PKP4: variants seen among roughly 807,000 people sequenced by gnomAD.
PKP4 encodes plakophilin-4.
A neutral mutation model predicts 145.1 loss-of-function variants in PKP4; 90 were observed. The observed-to-expected ratio is 0.62, with a 90% confidence interval of 0.52 to 0.74. The LOEUF is 0.74. Ranked by LOEUF, PKP4 falls within the 30% of genes least tolerant of loss-of-function variation. The pLI, the probability that PKP4 is intolerant of heterozygous loss-of-function variation, is 0.00. For synonymous variants in PKP4, 563 were observed against 577.2 expected (o/e 0.98, Z 0.35); for missense variants, 1,340 against 1,482.7 (o/e 0.90, Z 1.58).
At chr2:158,513,514 T>C (rs974910580) in intron 1 of PKP4, among the ~76,000 whole-genome samples, 7 of 152,216 alleles carry the variant, frequency 4.6e-5, no homozygotes, top group Non-Finnish European at 1.0e-4. Flanking sequence ...CATTCTTTTC[T>C]TTTGCAGATG....
At chr2:158,623,343 T>A (rs1050436778) in intron 6 of PKP4, among the ~76,000 whole-genome samples, 8 of 151,990 alleles carry the variant, frequency 5.3e-5, no homozygotes, top group Admixed American at 3.9e-4. Flanking sequence ...CCCAGCTAAT[T>A]TTTTTGTTTG....
intron 2 of PKP4, among the ~76,000 whole-genome samples, chr2:158,537,732 C>G (rs1469014841): frequency 6.6e-6 from 1 of 152,042 alleles, no homozygotes; most frequent in African/African-American, 2.4e-5. Flanking sequence ...GTTGTAATAA[C>G]TAGATAAATA....
At chr2:158,534,224 A>G (rs929972339) in intron 2 of PKP4, among the ~76,000 whole-genome samples, 8 of 152,210 alleles carry the variant, frequency 5.3e-5, no homozygotes, top group Admixed American at 5.2e-4. Flanking sequence ...GATGACGAAG[A>G]TTGAGGAAAC....
chr2:158,583,260 G>A (rs536225056), intron 3 of PKP4, among the ~76,000 whole-genome samples: 1 of 152,258 alleles, frequency 6.6e-6, no homozygotes, highest in East Asian at 1.9e-4. Context: ...TACAGTGAGA[G>A]TAAAAGGGTC....
intron 3 of PKP4, among the ~76,000 whole-genome samples, chr2:158,583,433 C>G (rs549806062): frequency 6.6e-6 from 1 of 152,240 alleles, no homozygotes; most frequent in South Asian, 2.1e-4. Context: ...AATGGCATTC[C>G]TTTTAGACAA....
intron 1 of PKP4, among the ~76,000 whole-genome samples, chr2:158,475,328 A>G (rs1308095289): frequency 6.6e-6 from 1 of 152,090 alleles, no homozygotes; most frequent in Admixed American, 6.5e-5. Flanking sequence ...AAAGTCATGA[A>G]ACTGATTCAT....
At position 158,636,392 on chromosome 2, in the gene PKP4, A is replaced by T. The variant is rs189659407; in HGVS notation, c.1562+2103A>T. On this transcript the variant is annotated intron_variant, in intron 9 of 21. Transcript: ENST00000389759. ...TCCGTTGTTTCTGTTGATAAGGCAG[A>T]CATCATGTGCATTCTTCTCATTATG... Among the ~76,000 whole-genome samples the T allele has an allele frequency of 8.1e-4, 123 of 152,196 alleles. 1 individual carries two copies. In the East Asian group the frequency reaches 0.021, roughly 26 times the overall value.
In PKP4 at chr2:158,642,697, C is replaced by T. The variant is rs772047058; in HGVS notation, c.1907C>T (p.Thr636Ile). Residue 636 changes from threonine (T) to isoleucine (I), a missense_variant and splice_region_variant, in exon 11 of 22, where the codon ACA becomes ATA. Coordinates refer to ENST00000389759, the MANE Select transcript of PKP4 (RefSeq NM_003628.6). Reference sequence around the variant, plus strand: ...GATGCAGAAGTAAGGGAGCTTGTTACAGGTAGGTATAGAATGTGATCTCGT... The same window carrying T: ...GATGCAGAAGTAAGGGAGCTTGTTATAGGTAGGTATAGAATGTGATCTCGT... ...SIDAEVRELV[T>I]GVLWNLSSCD... is the part of the protein sequence containing the mutation. The T allele has an allele frequency of 9.4e-6, 15 of 1,594,322 alleles. No homozygotes were observed. The highest frequency in any genetic ancestry group is 1.3e-5 in the Non-Finnish European group (15 of 1,167,604).
At chr2:158,579,662 G>A (rs987723899) in intron 3 of PKP4, among the ~76,000 whole-genome samples, 2 of 151,980 alleles carry the variant, frequency 1.3e-5, no homozygotes, top group Non-Finnish European at 2.9e-5. Context: ...TCCTTAGAAT[G>A]GAAATGGAAA....
rs770963257 is a variant in PKP4 at position 158,680,503 on chromosome 2, T to A, written c.3405T>A (p.Ser1135=). The change falls in exon 22 of 22, where the codon TCT becomes TCA. Residue 1135 remains serine (S), a synonymous_variant. Transcript: ENST00000389759. ...ATGCATACAGATTGTATTTGCAGTC[T>A]CCTCATAGCTATGAAGATCCTTATT... The part of the protein sequence containing the change: ...NFDAYRLYLQ[S]PHSYEDPYFD... 53 of 1,613,874 alleles carry A rather than the reference T, an allele frequency of 3.3e-5. No individual in the cohort carries two copies. Among genetic ancestry groups the A allele is most frequent in the Non-Finnish European group, 4.4e-5 (52 of 1,179,734 alleles).
intron 4 of PKP4, among the ~76,000 whole-genome samples, chr2:158,616,110 T>A (rs1432192156): frequency 6.6e-6 from 1 of 152,228 alleles, no homozygotes; most frequent in Non-Finnish European, 1.5e-5. Context: ...TTAAAATATC[T>A]GTCAACTTGT....
At chr2:158,560,987 G>A (rs1482812566) in intron 2 of PKP4, among the ~76,000 whole-genome samples, 1 of 152,228 alleles carries the variant, frequency 6.6e-6, no homozygotes, top group South Asian at 2.1e-4. Flanking sequence ...AGGACAGGTG[G>A]CCTACCGGCT....
Position 158,663,340 on chromosome 2 carries a change from A to T in PKP4, c.2472A>T (p.Pro824=), listed in dbSNP as rs745702757. Residue 824 remains proline (P), a synonymous_variant, in exon 15 of 22, where the codon CCA becomes CCT. Transcript: ENST00000389759. ...SPKGVEMLWH[P]SVVKPYLTLL... ...AAGGGGTTGAGATGCTGTGGCACCC[A>T]TCGGTGGTAAAACCATATCTGACTC... The T allele has an allele frequency of 1.1e-5, 17 of 1,614,090 alleles. 1 individual carries two copies. In the Middle Eastern group the frequency reaches 8.3e-4, roughly 78 times the overall value.
At chr2:158,506,773 G>C (rs1217415509) in intron 1 of PKP4, among the ~76,000 whole-genome samples, 2 of 152,212 alleles carry the variant, frequency 1.3e-5, no homozygotes, top group African/African-American at 4.8e-5. Flanking sequence ...ATTCTGAAGA[G>C]AATATGAACG....
At chr2:158,496,124 G>A (rs1695673724) in intron 1 of PKP4, among the ~76,000 whole-genome samples, 1 of 150,890 alleles carries the variant, frequency 6.6e-6, no homozygotes, top group Non-Finnish European at 1.5e-5. Flanking sequence ...GGGACTACAG[G>A]CACGTGCCAC....
intron 2 of PKP4, among the ~76,000 whole-genome samples, chr2:158,542,101 T>G (rs2105664935): frequency 6.6e-6 from 1 of 152,190 alleles, no homozygotes; most frequent in East Asian, 1.9e-4. Context: ...AACTGAAGAG[T>G]CAAGTAACAC....
At chr2:158,607,079 A>T (rs141117090) in intron 4 of PKP4, among the ~76,000 whole-genome samples, 1 of 152,336 alleles carries the variant, frequency 6.6e-6, no homozygotes, top group African/African-American at 2.4e-5. Context: ...TTCAGGAAGA[A>T]AATTATTTAA....
chr2:158,560,236 G>GT (rs2046403551), intron 2 of PKP4, among the ~76,000 whole-genome samples: 1 of 152,168 alleles, frequency 6.6e-6, no homozygotes, highest in South Asian at 2.1e-4. Flanking sequence ...TGTAAGGGTT[G>GT]TAAGAGTGCC....
At chr2:158,529,736 A>G (rs1157582104) in intron 1 of PKP4, among the ~76,000 whole-genome samples, 2 of 152,208 alleles carry the variant, frequency 1.3e-5, no homozygotes, top group East Asian at 1.9e-4. Flanking sequence ...CTTTCCCAAT[A>G]TGCTGCTGAG....
Sources: gnomAD v4.1 joint callset for allele counts (sites outside exome capture counted in the v4.1 genomes callset) on GRCh38, gnomAD v4.1.1 for gene constraint, MANE v1.5 for transcripts, NCBI Gene and HGNC (gene_info 2026-07-23, HGNC 2026-07-21) for gene names.